Variants in ADGRL3 observed in about 807,000 individuals in gnomAD.
ADGRL3 encodes calcium-independent alpha-latrotoxin receptor 3.
A neutral mutation model predicts 153.5 loss-of-function variants in ADGRL3; 62 were observed. That is an observed-to-expected ratio of 0.40 (90% confidence interval 0.33 to 0.50). The LOEUF (loss-of-function observed/expected upper bound fraction) is 0.50. Ranked by LOEUF, ADGRL3 falls within the 20% of genes least tolerant of loss-of-function variation. The pLI is 0.47. For missense variants in ADGRL3, 1,641 were observed against 1,859.4 expected (o/e 0.88, Z 2.16); for synonymous variants, 710 against 672.5 (o/e 1.06, Z -0.86).
Position 62,002,398 on chromosome 4 carries a change from C to A in ADGRL3, c.3395+4133C>A, listed in dbSNP as rs867978336. On this transcript the variant is annotated intron_variant, in intron 21 of 26. Transcript: ENST00000683033. ...TTTCCCTAACGCTATGACTGGCTGA[C>A]TCCTATTTATCCTAATTAATTAAAT... Among the ~76,000 whole-genome samples the A allele has an allele frequency of 6.6e-5, 10 of 151,096 alleles. No homozygotes were observed. The South Asian group carries it at 1.1e-3, about 16-fold the overall frequency.
chr4:61,596,101 A>G (rs77858047), intron 5 of ADGRL3, among the ~76,000 whole-genome samples: 4,763 of 152,206 alleles, frequency 0.031, 229 homozygotes, highest in African/African-American at 0.11. Flanking sequence ...TTTTAGCAAT[A>G]TGAAGCTAAA....
intron 2 of ADGRL3, among the ~76,000 whole-genome samples, chr4:61,483,152 C>T (rs1180606812): frequency 6.6e-6 from 1 of 152,050 alleles, no homozygotes; most frequent in African/African-American, 2.4e-5. Context: ...GCTGTTCTTT[C>T]CAGTAACCAA....
intron 8 of ADGRL3, among the ~76,000 whole-genome samples, chr4:61,773,080 C>T (rs1167958423): frequency 2.0e-5 from 3 of 152,008 alleles, no homozygotes; most frequent in Non-Finnish European, 2.9e-5. Context: ...GCATAAAAGT[C>T]GATCATACTG....
intron 17 of ADGRL3, among the ~76,000 whole-genome samples, chr4:61,963,733 A>G (rs543184473): frequency 2.0e-5 from 3 of 152,326 alleles, no homozygotes; most frequent in South Asian, 4.1e-4. Flanking sequence ...TTTAAGCAGA[A>G]AGAATCCTGT....
intron 8 of ADGRL3, among the ~76,000 whole-genome samples, chr4:61,775,251 C>G (rs2097134069): frequency 6.7e-6 from 1 of 149,498 alleles, no homozygotes; most frequent in East Asian, 2.0e-4. Context: ...TAAAAGCTTT[C>G]AGGAACATGG....
intron 2 of ADGRL3, among the ~76,000 whole-genome samples, chr4:61,414,952 A>G (rs1040012083): frequency 6.6e-6 from 1 of 151,996 alleles, no homozygotes; most frequent in Non-Finnish European, 1.5e-5. Flanking sequence ...TTTACTCTGC[A>G]TAGTAGCTTT....
intron 8 of ADGRL3, among the ~76,000 whole-genome samples, chr4:61,746,326 G>C (rs1224835034): frequency 6.6e-6 from 1 of 151,252 alleles, no homozygotes; most frequent in Admixed American, 6.6e-5. Flanking sequence ...AGGATACCCA[G>C]GAATTGAAGT....
At chr4:61,256,236 TG>T (rs1354451323) in intron 1 of ADGRL3, among the ~76,000 whole-genome samples, 5 of 152,194 alleles carry the variant, frequency 3.3e-5, no homozygotes, top group Non-Finnish European at 7.3e-5. Flanking sequence ...ACATAACAAT[TG>T]GTTGTTTAGC....
chr4:61,732,748 C>T lies in ADGRL3; in HGVS notation c.599-6C>T. ...TTATTTATTTTAACTGTTTCCCTTC[C>T]AACAGTTTTTCTTTGTCCTGGACTA... On this transcript the variant is annotated splice_polypyrimidine_tract_variant and splice_region_variant and intron_variant, in intron 7 of 26. Coordinates refer to ENST00000683033, the MANE Select transcript of ADGRL3 (RefSeq NM_001387552.1). 1 of 1,463,574 alleles carries T rather than the reference C, an allele frequency of 6.8e-7. No homozygotes were observed. The highest frequency in any genetic ancestry group is 9.1e-7 in the Non-Finnish European group (1 of 1,094,356). 90.7% of individuals were successfully genotyped at this position (1,463,574 alleles called of 1,614,324 possible). A position where few individuals can be genotyped will look rare whatever the true frequency, so the allele number is the denominator to read the frequency against.
At chr4:61,979,279 G>A (rs1270730917) in intron 17 of ADGRL3, among the ~76,000 whole-genome samples, 1 of 152,174 alleles carries the variant, frequency 6.6e-6, no homozygotes, top group East Asian at 1.9e-4. Flanking sequence ...CCAGAATTAA[G>A]TCGGTCTGCT....
chr4:61,561,846 C>T (rs6824537), intron 4 of ADGRL3, among the ~76,000 whole-genome samples: 31,563 of 151,646 alleles, frequency 0.21, 3,471 homozygotes, highest in Non-Finnish European at 0.23. Context: ...CACTATGTTG[C>T]CCAAGCTTGT....
At position 61,983,499 on chromosome 4, in the gene ADGRL3, A is replaced by C. The variant is rs770475197; in HGVS notation, c.3132A>C (p.Glu1044Asp). 12 of 1,613,930 alleles carry C rather than the reference A, an allele frequency of 7.4e-6. No homozygotes were observed. In the South Asian group the frequency reaches 1.2e-4, roughly 16 times the overall value. ...YIMLVEVFES[E>D]HSRRKYFYLV... The stretch of plus-strand genomic sequence containing the variant: ...TGCTGGTGGAGGTTTTTGAGAGTGA[A>C]CATTCACGTAGGAAATACTTTTATC... The change falls in exon 19 of 27, where the codon GAA (glutamate) becomes GAC (aspartate). Residue 1044 changes from glutamate (E) to aspartate (D), a missense_variant. Coordinates refer to ENST00000683033, the MANE Select transcript of ADGRL3 (RefSeq NM_001387552.1).
chr4:62,016,000 T>G (rs1341092650), intron 21 of ADGRL3, among the ~76,000 whole-genome samples: 2 of 151,922 alleles, frequency 1.3e-5, no homozygotes, highest in African/African-American at 2.4e-5. Context: ...AATTTAAAAT[T>G]TTATTTTTCC....
In ADGRL3 at chr4:61,753,228, GAA is replaced by G. The variant is rs113199384; in HGVS notation, c.1399+19690_1399+19691del. Among the ~76,000 whole-genome samples, 82 of 99,912 alleles carry G rather than the reference GAA, an allele frequency of 8.2e-4. 1 individual carries two copies. The highest frequency in any genetic ancestry group is 7.8e-3 in the Middle Eastern group (1 of 128). The allele number at this position is 99,912 out of a possible 152,430, so 65.5% of individuals were successfully genotyped here. A position where few individuals can be genotyped will look rare whatever the true frequency, so the allele number is the denominator to read the frequency against. On this transcript the variant is annotated intron_variant, in intron 8 of 26. Transcript: ENST00000683033. The stretch of plus-strand genomic sequence containing the variant: ...AGCATTTAGTAAGGCACATTTCTGT[GAA>G]AAAAAAAAAAAAAAACAAAGATGAA...
chr4:61,447,036 A>G (rs1263644855), intron 2 of ADGRL3, among the ~76,000 whole-genome samples: 1 of 152,078 alleles, frequency 6.6e-6, no homozygotes, highest in African/African-American at 2.4e-5. Flanking sequence ...TTTGGATCCT[A>G]ACTGAATTAC....
At chr4:61,944,997 A>G (rs1174509797) in intron 15 of ADGRL3, among the ~76,000 whole-genome samples, 1 of 83,420 alleles carries the variant, frequency 1.2e-5, no homozygotes, top group Non-Finnish European at 2.2e-5. Context: ...GTTCCTTTGG[A>G]GGAGGAGAGG....
chr4:61,203,057 G>A (rs550143548), intron 1 of ADGRL3, among the ~76,000 whole-genome samples: 2 of 152,296 alleles, frequency 1.3e-5, no homozygotes, highest in East Asian at 3.9e-4. Context: ...TGCGTGCGGC[G>A]CGTGAGAGTC....
chr4:62,038,576 C>T (rs1032054432), intron 24 of ADGRL3, among the ~76,000 whole-genome samples: 2 of 151,620 alleles, frequency 1.3e-5, no homozygotes, highest in African/African-American at 2.4e-5. Flanking sequence ...GTCATGAGTG[C>T]GTTTGGTTCA....
At chr4:61,869,798 C>T (rs1456414538) in intron 9 of ADGRL3, among the ~76,000 whole-genome samples, 2 of 150,740 alleles carry the variant, frequency 1.3e-5, no homozygotes, top group South Asian at 2.1e-4. Context: ...ATTGGCCAGG[C>T]GTGGTGGCAC....
Sources: allele counts gnomAD v4.1 joint callset (sites outside exome capture counted in the v4.1 genomes callset), GRCh38; gene constraint gnomAD v4.1.1; transcripts MANE v1.5; gene names NCBI Gene and HGNC (gene_info 2026-07-23, HGNC 2026-07-21).